Variants in DMRT1 observed in about 807,000 individuals in gnomAD.
The protein encoded by DMRT1 is doublesex and mab-3 related transcription factor 1.
In DMRT1, 7 loss-of-function variants were observed where a neutral mutation model predicts 32.3. The ratio of observed to expected loss-of-function variants is 0.22; its 90% CI spans 0.12 to 0.41. The LOEUF (loss-of-function observed/expected upper bound fraction) is 0.41, where lower values mean the gene tolerates loss of function less well. Among genes scored for constraint, DMRT1 ranks in the 10% least tolerant of loss-of-function variants. The pLI is 1.00. For synonymous variants in DMRT1, 278 were observed against 206.1 expected, an observed-to-expected ratio of 1.35 and a Z score of -2.99; for missense variants, 625 against 500.5, an observed-to-expected ratio of 1.25 and a Z score of -2.37.
intron 4 of DMRT1, among the ~76,000 whole-genome samples, chr9:917,341 T>C (rs901282308): frequency 1.3e-5 from 2 of 152,176 alleles, no homozygotes; most frequent in African/African-American, 4.8e-5. Flanking sequence ...TAATAAAACA[T>C]TTTTGAATAC....
In DMRT1 at chr9:965,699, T is replaced by C. The variant is rs912801331; in HGVS notation, c.968-2286T>C. 1.3e-5 allele frequency among the ~76,000 whole-genome samples: 2 copies of C among 152,192 alleles called. No homozygotes were observed. Among genetic ancestry groups the C allele is most frequent in the Non-Finnish European group, 2.9e-5 (2 of 68,030 alleles). On this transcript the variant is annotated intron_variant, in intron 4 of 4. Coordinates refer to ENST00000382276, the MANE Select transcript of DMRT1 (RefSeq NM_021951.3). This position sits in a 1 kb window ranked among gnomAD's most constrained non-coding sequence, Gnocchi z 4.5. ...TTCCTTTACAAGCCTCTGCATCAGC[T>C]TGGCAAAGGTCCGTTGCTTTGCCTC...
At chr9:931,913 G>A (rs1475750772) in intron 4 of DMRT1, among the ~76,000 whole-genome samples, 1 of 152,084 alleles carries the variant, frequency 6.6e-6, no homozygotes, top group Admixed American at 6.5e-5. Context: ...TTGGTGGGTC[G>A]GTGTGTGTAA....
intron 4 of DMRT1, among the ~76,000 whole-genome samples, chr9:926,905 A>T (rs1274456449): frequency 1.3e-5 from 2 of 152,224 alleles, no homozygotes; most frequent in Admixed American, 6.5e-5. Flanking sequence ...GTACATCACA[A>T]ATCATCAAGT....
In DMRT1 at chr9:893,414, G is replaced by A. The variant is rs149845715; in HGVS notation, c.539-498G>A. ...CTCTTACACTAGAAGTTTGCCCCTGGTCCGCACCTTTGGCCAGATTTCTGA... is the reference window on the plus strand; with the variant it reads ...CTCTTACACTAGAAGTTTGCCCCTGATCCGCACCTTTGGCCAGATTTCTGA... On this transcript the variant is annotated intron_variant, in intron 2 of 4. Coordinates refer to ENST00000382276, the MANE Select transcript of DMRT1 (RefSeq NM_021951.3). Among the ~76,000 whole-genome samples, 7 of 152,324 alleles carry A rather than the reference G, an allele frequency of 4.6e-5. No homozygotes were observed. The East Asian group carries it at 1.4e-3, about 29-fold the overall frequency.
chr9:968,039 C>G lies in DMRT1; in HGVS notation c.1022C>G (p.Ser341Cys). The G allele has an allele frequency of 6.2e-7, 1 of 1,614,142 alleles. No homozygotes were observed. The highest frequency in any genetic ancestry group is 8.5e-7 in the Non-Finnish European group (1 of 1,180,042). The change falls in exon 5 of 5, where the codon TCT becomes TGT. Residue 341 changes from serine (S) to cysteine (C), a missense_variant. Coordinates refer to ENST00000382276, the MANE Select transcript of DMRT1 (RefSeq NM_021951.3). ...DSGLVSLSSS[S>C]PISNKSTKAV... Reference sequence around the variant, plus strand: ...GGCTTGGTTTCCCTCTCGAGCAGCTCTCCTATTAGTAACAAGAGCACAAAG... The same window carrying G: ...GGCTTGGTTTCCCTCTCGAGCAGCTGTCCTATTAGTAACAAGAGCACAAAG...
chr9:855,237 C>G (rs1402488091), intron 2 of DMRT1, among the ~76,000 whole-genome samples: 1 of 152,114 alleles, frequency 6.6e-6, no homozygotes, highest in Admixed American at 6.5e-5. Context: ...AGGAAGTAAC[C>G]TACTTGTCTA....
At chr9:849,894 G>A (rs1589445816) in intron 2 of DMRT1, among the ~76,000 whole-genome samples, 1 of 152,040 alleles carries the variant, frequency 6.6e-6, no homozygotes, top group African/African-American at 2.4e-5. Flanking sequence ...TGCGATTTTG[G>A]CTCACCGCAA....
In DMRT1 at chr9:968,103, C is replaced by T; in HGVS notation, c.1086C>T (p.Ser362=). Residue 362 remains serine, a synonymous_variant, in exon 5 of 5, where the codon AGC becomes AGT. Transcript: ENST00000382276. ...LECEPASEPS[S]FTVTPVIEED... is the part of the protein sequence containing the mutation. ...GTGAGCCTGCGTCGGAGCCCAGCAGCTTCACAGTCACTCCCGTCATCGAGG... is the reference window on the plus strand; with the variant it reads ...GTGAGCCTGCGTCGGAGCCCAGCAGTTTCACAGTCACTCCCGTCATCGAGG... The T allele has an allele frequency of 6.2e-7, 1 of 1,614,140 alleles. No individual in the cohort carries two copies. The highest frequency in any genetic ancestry group is 8.5e-7 in the Non-Finnish European group (1 of 1,180,042).
intron 4 of DMRT1, among the ~76,000 whole-genome samples, chr9:919,564 T>C (rs1024760024): frequency 1.3e-5 from 2 of 152,062 alleles, no homozygotes; most frequent in African/African-American, 4.8e-5. Context: ...GATGGTGGAG[T>C]CAGATCTTGC....
At chr9:962,513 A>G (rs962931522) in intron 4 of DMRT1, among the ~76,000 whole-genome samples, 1 of 126,672 alleles carries the variant, frequency 7.9e-6, no homozygotes, top group Admixed American at 8.8e-5. Flanking sequence ...TTGGGGACCC[A>G]CCAGCTTTCT....
chr9:847,296 C>T (rs957613483), intron 2 of DMRT1, among the ~76,000 whole-genome samples, 153 bp downstream of exon 2: 12 of 152,158 alleles, frequency 7.9e-5, no homozygotes, highest in Admixed American at 2.6e-4. Context: ...CTGTTTGTGC[C>T]TGCATCACAA....
intron 2 of DMRT1, among the ~76,000 whole-genome samples, chr9:864,522 G>A (rs1204406301): frequency 1.1e-4 from 12 of 110,746 alleles, no homozygotes; most frequent in South Asian, 9.3e-4. Flanking sequence ...TTTTTGAGAC[G>A]GAGTCTTGCT....
rs113179890 is a variant in DMRT1 at position 964,693 on chromosome 9, T to G, written c.968-3292T>G. Among the ~76,000 whole-genome samples, 433 of 152,276 alleles carry G rather than the reference T, an allele frequency of 2.8e-3. 2 individuals carry two copies. The highest frequency in any genetic ancestry group is 9.7e-3 in the African/African-American group (403 of 41,556). ...CTCCCTTCCCCAAGCACAAGAGCAG[T>G]ACACTAACATCTTCACTGACGGTGT... is the stretch of plus-strand genomic sequence containing the variant. On this transcript the variant is annotated intron_variant, in intron 4 of 4. Coordinates refer to ENST00000382276, the MANE Select transcript of DMRT1 (RefSeq NM_021951.3).
intron 3 of DMRT1, among the ~76,000 whole-genome samples, chr9:911,415 G>C (rs142933674): frequency 1.3e-5 from 2 of 148,710 alleles, no homozygotes; most frequent in African/African-American, 4.9e-5. Context: ...GAAGAGAGCA[G>C]GAAGTAATTT....
intron 4 of DMRT1, among the ~76,000 whole-genome samples, chr9:966,563 GTCTA>G (rs940923632): frequency 2.6e-5 from 4 of 152,062 alleles, no homozygotes; most frequent in East Asian, 1.9e-4. Context: ...CTATCCATTT[GTCTA>G]TCTGTCTACC....
chr9:851,007 C>T lies in DMRT1; in HGVS notation c.538+3864C>T, dbSNP rs527315704. The stretch of plus-strand genomic sequence containing the variant: ...TTGTGCCATTGCACTCCGGCCTGGG[C>T]GACAGGGTGAGACTCTATCTCAAAA... On this transcript the variant is annotated intron_variant, in intron 2 of 4. Transcript: ENST00000382276. 9.4e-4 allele frequency among the ~76,000 whole-genome samples: 119 copies of T among 125,984 alleles called. 2 individuals carry two copies. In the South Asian group the frequency reaches 0.012, roughly 12 times the overall value. 82.7% of individuals were successfully genotyped at this position (125,984 alleles called of 152,430 possible). A position where few individuals can be genotyped will look rare whatever the true frequency, so the allele number is the denominator to read the frequency against.
chr9:892,965 T>TA lies in DMRT1; in HGVS notation c.539-945dup, dbSNP rs1352865159. On this transcript the variant is annotated intron_variant, in intron 2 of 4. Transcript: ENST00000382276. ...TTCACCTGTGTCCTGCATCTTTTTT[T>TA]AAGTGCAACTCAGGTGCAGTTTTGT... Among the ~76,000 whole-genome samples the TA allele has an allele frequency of 4.6e-5, 7 of 152,298 alleles. No homozygotes were observed. The East Asian group carries it at 1.4e-3, about 29-fold the overall frequency.
chr9:852,333 T>C (rs1157800564), intron 2 of DMRT1, among the ~76,000 whole-genome samples: 5 of 151,120 alleles, frequency 3.3e-5, no homozygotes, highest in African/African-American at 1.2e-4. Flanking sequence ...ACATGACAAA[T>C]AATTAACGGC....
chr9:921,796 A>G (rs1818362912), intron 4 of DMRT1, among the ~76,000 whole-genome samples: 3 of 152,206 alleles, frequency 2.0e-5, no homozygotes, highest in African/African-American at 2.4e-5. Flanking sequence ...CAGGAAGACC[A>G]CTAGAGCCCA....
Sources: gnomAD v4.1 joint callset for allele counts (sites outside exome capture counted in the v4.1 genomes callset) on GRCh38, gnomAD v4.1.1 for gene constraint, Gnocchi (gnomAD v3.1) non-coding constraint, MANE v1.5 for transcripts, NCBI Gene and HGNC (gene_info 2026-07-23, HGNC 2026-07-21) for gene names.